The following SLIT3 variants were observed in gnomAD, a reference collection of about 807,000 sequenced individuals.
SLIT3 encodes slit guidance ligand 3, also known as slit homolog 3 protein.
SLIT3 carries 68 observed loss-of-function variants against 184.0 expected under a neutral mutation model. The ratio of observed to expected loss-of-function variants is 0.37; its 90% confidence interval spans 0.30 to 0.45. The LOEUF (loss-of-function observed/expected upper bound fraction) is 0.45, where lower values mean the gene tolerates loss of function less well. SLIT3 is among the 20% of genes least tolerant of loss of function. The pLI is 1.00. For synonymous variants in SLIT3, 831 were observed against 828.6 expected, an observed-to-expected ratio of 1.00 and a Z score of -0.05; for missense variants, 1,707 against 2,026.0, an observed-to-expected ratio of 0.84 and a Z score of 3.02.
chr5:169,011,310 A>G (rs1756140955), intron 4 of SLIT3, among the ~76,000 whole-genome samples: 1 of 152,216 alleles, frequency 6.6e-6, no homozygotes, highest in African/African-American at 2.4e-5. Context: ...AAAAGCCAGA[A>G]CTATGAAAAG....
chr5:169,268,754 A>C (rs894876485), intron 1 of SLIT3, among the ~76,000 whole-genome samples: 1 of 152,230 alleles, frequency 6.6e-6, no homozygotes, highest in Non-Finnish European at 1.5e-5. Flanking sequence ...GAGATGCTCA[A>C]GTGAGCCAAT....
At chr5:168,832,524 T>G (rs1324417610) in intron 6 of SLIT3, among the ~76,000 whole-genome samples, 1 of 152,228 alleles carries the variant, frequency 6.6e-6, no homozygotes, top group Non-Finnish European at 1.5e-5. Context: ...TTTGGCATCT[T>G]TTGATACAAA....
At chr5:168,754,340 C>T (rs769984939) in intron 16 of SLIT3, among the ~76,000 whole-genome samples, 8 of 152,192 alleles carry the variant, frequency 5.3e-5, no homozygotes, top group Non-Finnish European at 1.0e-4. Flanking sequence ...TTTGCAGCAA[C>T]ATGAATGGCA....
At chr5:169,176,547 A>C (rs1226961986) in intron 4 of SLIT3, among the ~76,000 whole-genome samples, 5 of 152,196 alleles carry the variant, frequency 3.3e-5, no homozygotes, top group Non-Finnish European at 7.3e-5. Context: ...GTTTGAAAGA[A>C]GTTAAGAGGA....
intron 4 of SLIT3, among the ~76,000 whole-genome samples, chr5:169,134,758 TA>T (rs1262562710): frequency 2.4e-4 from 37 of 152,310 alleles, no homozygotes; most frequent in Non-Finnish European, 4.3e-4. Flanking sequence ...ATACTAATAA[TA>T]AAAAAAGTAG....
intron 4 of SLIT3, among the ~76,000 whole-genome samples, chr5:168,998,490 G>A (rs1755588059): frequency 1.3e-5 from 2 of 152,134 alleles, no homozygotes; most frequent in Non-Finnish European, 2.9e-5. Context: ...CAGATCAGAA[G>A]GTCAGGAGTT....
At chr5:168,887,561 G>A (rs1016286213) in intron 4 of SLIT3, among the ~76,000 whole-genome samples, 6 of 152,130 alleles carry the variant, frequency 3.9e-5, no homozygotes, top group Non-Finnish European at 7.4e-5. Flanking sequence ...GTAGAGCACC[G>A]TGTGGAATCA....
chr5:168,954,735 G>A (rs149412328), intron 4 of SLIT3, among the ~76,000 whole-genome samples: 1 of 152,334 alleles, frequency 6.6e-6, no homozygotes, highest in East Asian at 1.9e-4. Context: ...AGGTAAGGCA[G>A]GAGGGGGAAG....
intron 13 of SLIT3, 147 bp downstream of exon 13, chr5:168,774,087 TC>T (rs1581066651): frequency 1.3e-6 from 1 of 763,218 alleles, no homozygotes; most frequent in Non-Finnish European, 2.1e-6. Flanking sequence ...GATAAGCTAT[TC>T]CGATTTTTAT....
In SLIT3 at chr5:168,787,652, C is replaced by A. The variant is rs551855316; in HGVS notation, c.1080-1674G>T. Among the ~76,000 whole-genome samples, 162 of 152,290 alleles carry A rather than the reference C, an allele frequency of 1.1e-3. 1 individual carries two copies. Among genetic ancestry groups the A allele is most frequent in the Admixed American group, 1.5e-3 (23 of 15,302 alleles). On this transcript the variant is annotated intron_variant, in intron 11 of 35. Coordinates refer to ENST00000519560, the MANE Select transcript of SLIT3 (RefSeq NM_003062.4). ...TAATTTTAATTTTTTCTGCCTCCCT[C>A]CCCCGCACCTCCCAGCTCCCTTGCA...
intron 16 of SLIT3, among the ~76,000 whole-genome samples, chr5:168,756,874 C>T (rs985130610): frequency 6.6e-6 from 1 of 152,170 alleles, no homozygotes; most frequent in Admixed American, 6.5e-5. Flanking sequence ...CATTTCCTGA[C>T]ATCTGTTTCT....
At chr5:169,257,410 C>T (rs1167845057) in intron 1 of SLIT3, among the ~76,000 whole-genome samples, 1 of 140,034 alleles carries the variant, frequency 7.1e-6, no homozygotes, top group Non-Finnish European at 1.5e-5. Context: ...CAACCATTTA[C>T]ACACATTAAA....
intron 4 of SLIT3, among the ~76,000 whole-genome samples, chr5:169,190,395 A>C (rs547232750): frequency 1.3e-5 from 2 of 152,372 alleles, no homozygotes; most frequent in African/African-American, 2.4e-5. Flanking sequence ...CTGTTCCTGA[A>C]GCCATTCATA....
chr5:169,124,157 C>T (rs1423671512), intron 4 of SLIT3, among the ~76,000 whole-genome samples: 1 of 152,126 alleles, frequency 6.6e-6, no homozygotes, highest in Admixed American at 6.5e-5. Context: ...AAAAAGATGG[C>T]ATTGATATGG....
Position 168,749,631 on chromosome 5 carries a change from G to C in SLIT3, c.1978C>G (p.Leu660Val). ...TTLVSLSTIN[L>V]LSNPFNCNCH... ...TTGCAGTTGAAGGGGTTGGACAGGA[G>C]GTTTCTAGGAAGAGAGAAGGGTGCT... The change falls in exon 19 of 36, where the codon CTC becomes GTC. Residue 660 changes from leucine to valine, a missense_variant. Physicochemically the swap from Leu to Val is conservative, Grantham distance 32. Transcript: ENST00000519560. 6.2e-7 allele frequency: 1 copy of C among 1,614,136 alleles called. No individual in the cohort carries two copies. Among genetic ancestry groups the C allele is most frequent in the Non-Finnish European group, 8.5e-7 (1 of 1,179,990 alleles).
chr5:169,247,872 C>T (rs894510059), intron 2 of SLIT3, among the ~76,000 whole-genome samples: 2 of 152,296 alleles, frequency 1.3e-5, no homozygotes, highest in Admixed American at 6.5e-5. Context: ...AATCCACCCA[C>T]CTTGGCCTTC....
At chr5:168,700,260 T>C (rs908412246) in intron 27 of SLIT3, among the ~76,000 whole-genome samples, 4 of 152,146 alleles carry the variant, frequency 2.6e-5, no homozygotes, top group African/African-American at 9.7e-5. Context: ...AATCCCCAAG[T>C]GTCAAGGGTG....
chr5:168,742,979 A>T lies in SLIT3; in HGVS notation c.2270+5323T>A, dbSNP rs190096106. Among the ~76,000 whole-genome samples the T allele has an allele frequency of 1.6e-3, 250 of 152,308 alleles. 4 individuals carry two copies. Among genetic ancestry groups the T allele is most frequent in the African/African-American group, 5.8e-3 (243 of 41,568 alleles). ...CCATCTCTACTAAAAAAAAAATACA[A>T]AAATTAGCTGAGCGTGGTGGCATGC... On this transcript the variant is annotated intron_variant, in intron 20 of 35. Coordinates refer to ENST00000519560, the MANE Select transcript of SLIT3 (RefSeq NM_003062.4).
chr5:168,969,057 G>T (rs774033219), intron 4 of SLIT3, among the ~76,000 whole-genome samples: 1 of 151,978 alleles, frequency 6.6e-6, no homozygotes, highest in Non-Finnish European at 1.5e-5. Flanking sequence ...TTTTTCCCCC[G>T]CAAGATACAC....
Sources: gnomAD v4.1 joint callset for allele counts (sites outside exome capture counted in the v4.1 genomes callset) on GRCh38, gnomAD v4.1.1 for gene constraint, MANE v1.5 for transcripts, NCBI Gene and HGNC (gene_info 2026-07-23, HGNC 2026-07-21) for gene names.